Variants in DHRSX observed in about 807,000 individuals in gnomAD.
The protein encoded by DHRSX is dehydrogenase/reductase X-linked.
In DHRSX, 31 loss-of-function variants were observed where a neutral mutation model predicts 34.0. The observed-to-expected ratio is 0.91, with a 90% CI of 0.69 to 1.23. The LOEUF (loss-of-function observed/expected upper bound fraction) is 1.23. DHRSX is among the 50% of genes most tolerant of loss of function. The probability of loss-of-function intolerance (pLI) is 0.00; values close to 1 mark genes in which losing one functional copy is unlikely to be tolerated. For synonymous variants in DHRSX, 201 were observed against 183.8 expected, an observed-to-expected ratio of 1.09 and a Z score of -0.76; for missense variants, 414 against 428.1, an observed-to-expected ratio of 0.97 and a Z score of 0.29.
At chrX:2,420,430 T>A (rs889968818) in intron 2 of DHRSX, among the ~76,000 whole-genome samples, 4 of 126,498 alleles carry the variant, frequency 3.2e-5, no homozygotes, top group African/African-American at 1.2e-4. Flanking sequence ...ATAATAATAA[T>A]AATAAAATAA....
chrX:2,493,989 A>C (rs1350523964), intron 1 of DHRSX, among the ~76,000 whole-genome samples: 1 of 85,472 alleles, frequency 1.2e-5, no homozygotes. Flanking sequence ...AGAAGAAAAC[A>C]AAAAAAAAGA....
chrX:2,377,723 T>C (rs1362835107), intron 3 of DHRSX, among the ~76,000 whole-genome samples: 3 of 151,356 alleles, frequency 2.0e-5, no homozygotes, highest in African/African-American at 7.3e-5. Flanking sequence ...CATTTCATAA[T>C]TGCAGTGTGC....
At chrX:2,249,513 CTTTTTTTT>C (rs753035485) in intron 5 of DHRSX, among the ~76,000 whole-genome samples, 2,192 of 69,916 alleles carry the variant, frequency 0.031, 67 homozygotes, top group African/African-American at 0.099. Flanking sequence ...CTTTTTGTGC[CTTTTTTTT>C]TTTTTTTTTT....
intron 1 of DHRSX, among the ~76,000 whole-genome samples, chrX:2,494,126 CTATTATTAT>C (rs769646009): frequency 1.3e-5 from 2 of 151,232 alleles, no homozygotes. Flanking sequence ...CATCCATATT[CTATTATTAT>C]TATTATTATT....
chrX:2,316,377 C>A (rs181364266), intron 3 of DHRSX, among the ~76,000 whole-genome samples: 222 of 152,238 alleles, frequency 1.5e-3, no homozygotes, highest in Middle Eastern at 0.01. Context: ...AAGGGTGAAA[C>A]CCTGTCTCTA....
At chrX:2,361,226 T>G (rs1400941260) in intron 3 of DHRSX, among the ~76,000 whole-genome samples, 3 of 152,122 alleles carry the variant, frequency 2.0e-5, no homozygotes. Context: ...TTCTCCTGCC[T>G]CAGCCTCCTG....
At chrX:2,291,707 CA>C (rs2124490990) in intron 3 of DHRSX, 104 bp from the exon 4 acceptor site, 5 of 802,518 alleles carry the variant, frequency 6.2e-6, no homozygotes, top group South Asian at 2.9e-5. Context: ...TAGGAAGTAA[CA>C]CTTTTTTTTT....
intron 3 of DHRSX, among the ~76,000 whole-genome samples, chrX:2,310,714 GACACAGAAATAGAA>G (rs1225714234): frequency 2.0e-5 from 3 of 151,822 alleles, no homozygotes; most frequent in Non-Finnish European, 4.4e-5. Context: ...GAAAGATTGT[GACACAGAAATAGAA>G]GCACAGAAAG....
intron 5 of DHRSX, among the ~76,000 whole-genome samples, chrX:2,249,190 TC>T (rs2016373877): frequency 1.0e-5 from 1 of 97,232 alleles, no homozygotes; most frequent in Non-Finnish European, 2.2e-5. Context: ...AAATCATAAA[TC>T]TTTTTTTTTT....
chrX:2,306,770 T>A (rs1013227520), intron 3 of DHRSX, among the ~76,000 whole-genome samples: 4 of 152,094 alleles, frequency 2.6e-5, no homozygotes, highest in African/African-American at 4.8e-5. Context: ...GTCGTGTCCT[T>A]GTCAGATTTT....
In DHRSX at chrX:2,310,741, A is replaced by C. The variant is rs2042154395; in HGVS notation, c.287-19138T>G. 2.0e-5 allele frequency among the ~76,000 whole-genome samples: 3 copies of C among 151,860 alleles called. 1 individual carries two copies. The highest frequency in any genetic ancestry group is 7.3e-5 in the African/African-American group (3 of 41,350). On this transcript the variant is annotated intron_variant, in intron 3 of 6. Transcript: ENST00000334651. Reference sequence around the variant, plus strand: ...CACAGAAATAGAAGCACAGAAAGAGAGCTTGAAAGAGACAGAGAGTGTGCC... The same window carrying C: ...CACAGAAATAGAAGCACAGAAAGAGCGCTTGAAAGAGACAGAGAGTGTGCC...
chrX:2,448,029 T>TG (rs1355246955), intron 1 of DHRSX, among the ~76,000 whole-genome samples: 1 of 143,228 alleles, frequency 7.0e-6, no homozygotes, highest in Non-Finnish European at 1.5e-5. Context: ...ACCCCATCTC[T>TG]AAAAAAAAAA....
At chrX:2,344,150 A>G (rs2042673213) in intron 3 of DHRSX, among the ~76,000 whole-genome samples, 1 of 152,218 alleles carries the variant, frequency 6.6e-6, no homozygotes, top group African/African-American at 2.4e-5. Context: ...CCAGCAAGCC[A>G]GCCAGCAGGA....
chrX:2,396,808 A>G (rs1361045172), intron 3 of DHRSX, among the ~76,000 whole-genome samples: 3 of 139,094 alleles, frequency 2.2e-5, no homozygotes, highest in African/African-American at 8.3e-5. Flanking sequence ...CTTGTTGCCC[A>G]GGCCGGAGCG....
intron 3 of DHRSX, among the ~76,000 whole-genome samples, chrX:2,300,506 C>A (rs535392050): frequency 9.2e-5 from 14 of 152,266 alleles, no homozygotes; most frequent in African/African-American, 3.1e-4. Context: ...GAAAGGCAGA[C>A]CCACCCTTAA....
chrX:2,361,521 T>C (rs946849561), intron 3 of DHRSX, among the ~76,000 whole-genome samples: 1 of 152,184 alleles, frequency 6.6e-6, no homozygotes, highest in African/African-American at 2.4e-5. Context: ...CCTAAATCTG[T>C]GGTTTATTGA....
intron 1 of DHRSX, among the ~76,000 whole-genome samples, chrX:2,478,197 C>T (rs905194890): frequency 1.3e-5 from 2 of 152,064 alleles, no homozygotes; most frequent in Non-Finnish European, 2.9e-5. Flanking sequence ...GCGGTCAGCA[C>T]GGTGGCTGGA....
At chrX:2,315,360 C>A (rs1437120521) in intron 3 of DHRSX, among the ~76,000 whole-genome samples, 1 of 152,046 alleles carries the variant, frequency 6.6e-6, no homozygotes, top group African/African-American at 2.4e-5. Flanking sequence ...GTGAGAAAGG[C>A]CTACATCAGC....
At chrX:2,232,867 C>G (rs762324144) in intron 6 of DHRSX, among the ~76,000 whole-genome samples, 4 of 151,990 alleles carry the variant, frequency 2.6e-5, no homozygotes, top group Non-Finnish European at 5.9e-5. Flanking sequence ...CCATCGTGCC[C>G]GACCCAAGAA....
Sources: allele counts gnomAD v4.1 joint callset (sites outside exome capture counted in the v4.1 genomes callset), GRCh38; gene constraint gnomAD v4.1.1; transcripts MANE v1.5; gene names NCBI Gene and HGNC (gene_info 2026-07-23, HGNC 2026-07-21).